The following LRRC7 variants were observed in gnomAD, a reference collection of about 807,000 sequenced individuals.
The protein encoded by LRRC7 is leucine-rich repeat-containing protein 7.
In LRRC7, 23 loss-of-function variants were observed where a neutral mutation model predicts 175.7. The ratio of observed to expected loss-of-function variants is 0.13; its 90% CI spans 0.09 to 0.19. The LOEUF is 0.19. Ranked by LOEUF, LRRC7 falls within the 10% of genes least tolerant of loss-of-function variation. The pLI is 1.00. For missense variants in LRRC7, 1,354 were observed against 1,904.7 expected (o/e 0.71, Z 5.38); for synonymous variants, 685 against 680.9 (o/e 1.01, Z -0.09).
At chr1:70,023,699 A>G (rs1657769940) in intron 17 of LRRC7, among the ~76,000 whole-genome samples, 1 of 151,988 alleles carries the variant, frequency 6.6e-6, no homozygotes, top group Non-Finnish European at 1.5e-5. Flanking sequence ...TGATGACACT[A>G]TTGATACATT....
chr1:69,830,368 T>C (rs1300804693), intron 5 of LRRC7, among the ~76,000 whole-genome samples: 1 of 151,842 alleles, frequency 6.6e-6, no homozygotes, highest in East Asian at 1.9e-4. Flanking sequence ...CCTTTTTAAC[T>C]CTCACAAATG....
At chr1:69,691,137 G>C (rs1224596901) in intron 2 of LRRC7, among the ~76,000 whole-genome samples, 1 of 152,166 alleles carries the variant, frequency 6.6e-6, no homozygotes, top group Non-Finnish European at 1.5e-5. Flanking sequence ...CCATGGGGAA[G>C]CAGGTCAGAG....
At chr1:69,843,801 T>C (rs1024801208) in intron 7 of LRRC7, among the ~76,000 whole-genome samples, 5 of 152,118 alleles carry the variant, frequency 3.3e-5, no homozygotes, top group Non-Finnish European at 7.4e-5. Flanking sequence ...AGGAAAGATA[T>C]TAGATCATGA....
At chr1:69,573,190 C>T (rs1197316320) in intron 1 of LRRC7, among the ~76,000 whole-genome samples, 2 of 152,174 alleles carry the variant, frequency 1.3e-5, no homozygotes. Flanking sequence ...TCAGAGACAG[C>T]AAGTGGCAAA....
intron 7 of LRRC7, among the ~76,000 whole-genome samples, chr1:69,898,609 G>C (rs1002154654): frequency 6.6e-6 from 1 of 151,718 alleles, no homozygotes; most frequent in African/African-American, 2.4e-5. Flanking sequence ...GCCAGCGCTG[G>C]GCACTGGCCA....
At chr1:70,008,741 G>A (rs1656214039) in intron 11 of LRRC7, among the ~76,000 whole-genome samples, 1 of 152,122 alleles carries the variant, frequency 6.6e-6, no homozygotes, top group South Asian at 2.1e-4. Flanking sequence ...TGCTTTAATG[G>A]TTAAATTATT....
At chr1:69,735,712 G>A (rs1329374526) in intron 2 of LRRC7, among the ~76,000 whole-genome samples, 2 of 152,056 alleles carry the variant, frequency 1.3e-5, no homozygotes, top group African/African-American at 4.8e-5. Flanking sequence ...GGGACTGCAA[G>A]ATGGACATAT....
In LRRC7 at chr1:70,023,205, G is replaced by A. The variant is rs1471605366; in HGVS notation, c.1625G>A (p.Cys542Tyr). 1.2e-6 allele frequency: 2 copies of A among 1,602,540 alleles called. No homozygotes were observed. The highest frequency in any genetic ancestry group is 1.7e-6 in the Non-Finnish European group (2 of 1,173,058). ...CCTGCCAGACTGTCTGGCGATTGCT[G>A]CACACCATGGGCCAGGTGTGATCAG... The part of the protein sequence containing the change: ...LQPARLSGDC[C>Y]TPWARCDQQI... The change falls in exon 17 of 27, where the codon TGC becomes TAC. Residue 542 changes from cysteine to tyrosine, a missense_variant. This residue lies in a region of LRRC7 where 1,032 missense variants were observed against 1,227.2 expected (regional missense o/e 0.84). Coordinates refer to ENST00000651989, the MANE Select transcript of LRRC7 (RefSeq NM_001370785.2).
At position 70,133,516 on chromosome 1, in the gene LRRC7, T is replaced by C. The variant is rs529106292; in HGVS notation, c.*11629T>C. On this transcript the variant is annotated 3_prime_UTR_variant, in exon 27 of 27. Coordinates refer to ENST00000651989, the MANE Select transcript of LRRC7 (RefSeq NM_001370785.2). ...GATGGCCTTACACAGTCTGTTTTTA[T>C]GCCCCTTGTGCTGATACAATTGCTA... Among the ~76,000 whole-genome samples, 1 of 152,308 alleles carries C rather than the reference T, an allele frequency of 6.6e-6. No individual in the cohort carries two copies. The highest frequency in any genetic ancestry group is 1.9e-4 in the East Asian group (1 of 5,182).
At chr1:69,804,607 A>G (rs1676901777) in intron 4 of LRRC7, among the ~76,000 whole-genome samples, 2 of 151,654 alleles carry the variant, frequency 1.3e-5, no homozygotes, top group Admixed American at 1.3e-4. Flanking sequence ...GAAATATATA[A>G]ATATCTACAT....
chr1:69,869,355 T>A (rs1685276587), intron 7 of LRRC7, among the ~76,000 whole-genome samples: 1 of 152,040 alleles, frequency 6.6e-6, no homozygotes, highest in African/African-American at 2.4e-5. Flanking sequence ...CTAATCTAGG[T>A]CTCTGGATTT....
intron 1 of LRRC7, among the ~76,000 whole-genome samples, chr1:69,677,228 ATATAT>A (rs143300094): frequency 0.16 from 23,995 of 147,354 alleles, 2,154 homozygotes; most frequent in Non-Finnish European, 0.2. Context: ...AATATATAAC[ATATAT>A]TATATATGTT....
At chr1:69,630,088 T>C (rs1300904807) in intron 1 of LRRC7, among the ~76,000 whole-genome samples, 1 of 152,180 alleles carries the variant, frequency 6.6e-6, no homozygotes, top group African/African-American at 2.4e-5. Flanking sequence ...TTAGATTACA[T>C]TGTATTCTGC....
intron 7 of LRRC7, among the ~76,000 whole-genome samples, chr1:69,881,208 G>C (rs148966142): frequency 1.3e-5 from 2 of 152,298 alleles, no homozygotes; most frequent in East Asian, 3.9e-4. Flanking sequence ...AGTTAGATTT[G>C]TTAAATGAAT....
intron 2 of LRRC7, among the ~76,000 whole-genome samples, chr1:69,725,095 T>C (rs908099882): frequency 2.0e-5 from 3 of 152,122 alleles, no homozygotes; most frequent in Non-Finnish European, 4.4e-5. Flanking sequence ...TATATATGTA[T>C]ATTACAGAGT....
intron 3 of LRRC7, among the ~76,000 whole-genome samples, chr1:69,776,806 T>C (rs1420011673): frequency 6.6e-6 from 1 of 152,072 alleles, no homozygotes; most frequent in African/African-American, 2.4e-5. Context: ...TGCTATTGAT[T>C]TTTCATTTTG....
intron 1 of LRRC7, among the ~76,000 whole-genome samples, chr1:69,605,653 C>T (rs934784984): frequency 6.6e-6 from 1 of 152,182 alleles, no homozygotes; most frequent in South Asian, 2.1e-4. Flanking sequence ...TGTAGAAAAT[C>T]CACAACTGCC....
chr1:69,627,257 A>C (rs182701086), intron 1 of LRRC7, among the ~76,000 whole-genome samples: 87 of 152,154 alleles, frequency 5.7e-4, no homozygotes, highest in African/African-American at 2.0e-3. Context: ...CTTTTTAATG[A>C]TCACCATTCT....
intron 1 of LRRC7, among the ~76,000 whole-genome samples, chr1:69,660,892 G>A (rs1254870947): frequency 6.6e-6 from 1 of 152,026 alleles, no homozygotes; most frequent in Non-Finnish European, 1.5e-5. Context: ...TAGATAATGA[G>A]GGAGACGGAT....
Sources: gnomAD v4.1 joint callset for allele counts (sites outside exome capture counted in the v4.1 genomes callset) on GRCh38, gnomAD v4.1.1 for gene constraint, gnomAD v4.1.1 regional missense constraint, MANE v1.5 for transcripts, NCBI Gene and HGNC (gene_info 2026-07-23, HGNC 2026-07-21) for gene names.